Variants in BEST1 observed in about 807,000 individuals in gnomAD.
The protein encoded by BEST1 is bestrophin-1.
In BEST1, 58 loss-of-function variants were observed where a neutral mutation model predicts 63.3. That is an observed-to-expected ratio of 0.92 (90% CI 0.74 to 1.14). The LOEUF is 1.14. Among genes scored for constraint, BEST1 ranks in the 50% most tolerant of loss-of-function variants. BEST1 has a pLI of 0.00. For synonymous variants in BEST1, 283 were observed against 291.6 expected (o/e 0.97, Z 0.30); for missense variants, 671 against 740.1 (o/e 0.91, Z 1.08).
In BEST1 at chr11:61,962,912, C is replaced by G; in HGVS notation, c.1739+19C>G. 6.2e-7 allele frequency: 1 copy of G among 1,614,192 alleles called. No homozygotes were observed. Among genetic ancestry groups the G allele is most frequent in the Non-Finnish European group, 8.5e-7 (1 of 1,180,030 alleles). ...AAAACAGGTCTGTCCTCCACCTGAA[C>G]CAGGGGCACTGCATTGCCCTGTGCC... On this transcript the variant is annotated intron_variant, in intron 10 of 10. Transcript: ENST00000378043.
intron 2 of BEST1, among the ~76,000 whole-genome samples, chr11:61,952,459 CTTTTTT>C (rs34404535): frequency 2.6e-5 from 2 of 78,150 alleles, no homozygotes; most frequent in African/African-American, 5.4e-5. Context: ...CCACATGGTA[CTTTTTT>C]TTTTTTTTTT....
chr11:61,964,303 T>C lies in BEST1; in HGVS notation c.*181T>C. 1 of 1,199,378 alleles carries C rather than the reference T, an allele frequency of 8.3e-7. No individual in the cohort carries two copies. The highest frequency in any genetic ancestry group is 1.5e-5 in the South Asian group (1 of 67,166). The allele number at this position is 1,199,378 out of a possible 1,614,324, so 74.3% of individuals were successfully genotyped here. A position where few individuals can be genotyped will look rare whatever the true frequency, so the allele number is the denominator to read the frequency against. Reference sequence around the variant, plus strand: ...AGACTACTTCAGCCTTTAATGCCTTTTATTCATAAAAACTGTGAAAGCTAG... The same window carrying C: ...AGACTACTTCAGCCTTTAATGCCTTCTATTCATAAAAACTGTGAAAGCTAG... On this transcript the variant is annotated 3_prime_UTR_variant, in exon 11 of 11. Coordinates refer to ENST00000378043, the MANE Select transcript of BEST1 (RefSeq NM_004183.4).
rs1336067563 is a variant in BEST1, at chr11:61,962,618, G to A, written c.1464G>A (p.Lys488=). The part of the protein sequence containing the change: ...FFPLEPSAPS[K]LHSVTGIDTK... The stretch of plus-strand genomic sequence containing the variant: ...CCCTAGAACCATCAGCGCCGTCAAA[G>A]CTTCACAGTGTCACAGGCATAGACA... The change falls in exon 10 of 11, where the codon AAG becomes AAA. Residue 488 remains lysine, a synonymous_variant. Transcript: ENST00000378043. 5.0e-6 allele frequency: 8 copies of A among 1,614,058 alleles called. No homozygotes were observed. The highest frequency in any genetic ancestry group is 6.8e-6 in the Non-Finnish European group (8 of 1,180,044).
At position 61,955,880 on chromosome 11, in the gene BEST1, T is replaced by C. The variant is rs1451564462; in HGVS notation, c.410T>C (p.Val137Ala). 4 of 1,550,442 alleles carry C rather than the reference T, an allele frequency of 2.6e-6. No individual in the cohort carries two copies. The African/African-American group carries it at 4.1e-5, about 16-fold the overall frequency. ...ATCCGCTACGCCAACCTGGGCAACGTGCTCATCCTGCGCAGCGTCAGCACC... is the reference window on the plus strand; with the variant it reads ...ATCCGCTACGCCAACCTGGGCAACGCGCTCATCCTGCGCAGCGTCAGCACC... Reference protein sequence around the residue: ...TLIRYANLGNVLILRSVSTAV... With the variant: ...TLIRYANLGNALILRSVSTAV... The change falls in exon 4 of 11, where the codon GTG becomes GCG. Residue 137 changes from valine to alanine, a missense_variant. Physicochemically the swap from Val to Ala is moderately conservative, Grantham distance 64. Transcript: ENST00000378043.
At chr11:61,957,048 T>A in intron 5 of BEST1, 50 bp downstream of exon 5, 1 of 1,612,432 alleles carries the variant, frequency 6.2e-7, no homozygotes, top group Non-Finnish European at 8.5e-7. Flanking sequence ...AGGGCTGTGG[T>A]CCACAGGAAA....
rs1942386627 is a variant in BEST1, at chr11:61,964,442, A to C, written c.*320A>C. 1.6e-6 allele frequency: 1 copy of C among 613,108 alleles called. No homozygotes were observed. The highest frequency in any genetic ancestry group is 3.0e-5 in the Admixed American group (1 of 33,676). The allele number at this position is 613,108 out of a possible 1,614,324, so 38.0% of individuals were successfully genotyped here. A position where few individuals can be genotyped will look rare whatever the true frequency, so the allele number is the denominator to read the frequency against. On this transcript the variant is annotated 3_prime_UTR_variant, in exon 11 of 11. Coordinates refer to ENST00000378043, the MANE Select transcript of BEST1 (RefSeq NM_004183.4). ...GTATACTGCCCAAACTAATGAGTTT[A>C]ATAAATACAAATACTCGTTTCTTTT...
chr11:61,955,110 G>T lies in BEST1; in HGVS notation c.156G>T (p.Leu52=). 6.4e-7 allele frequency: 1 copy of T among 1,560,640 alleles called. No homozygotes were observed. The highest frequency in any genetic ancestry group is 8.8e-7 in the Non-Finnish European group (1 of 1,139,326). ...CCACCCCCACCCCCACCCCCAGGCTGGCCCTCACGGAAGAACAACAGCTGA... is the reference window on the plus strand; with the variant it reads ...CCACCCCCACCCCCACCCCCAGGCTTGCCCTCACGGAAGAACAACAGCTGA... ...CYYIIRFIYR[L]ALTEEQQLMF... Residue 52 remains leucine, a synonymous_variant, in exon 3 of 11, where the codon CTG becomes CTT. Transcript: ENST00000378043.
chr11:61,965,334 G>A, downstream of BEST1: 1 of 1,563,156 alleles, frequency 6.4e-7, no homozygotes, highest in Non-Finnish European at 8.7e-7. Flanking sequence ...ACTGCCAGAT[G>A]ATGAAGTATG....
chr11:61,962,912 C>A lies in BEST1; in HGVS notation c.1739+19C>A, dbSNP rs1273664684. On this transcript the variant is annotated intron_variant, in intron 10 of 10. Transcript: ENST00000378043. ...AAAACAGGTCTGTCCTCCACCTGAA[C>A]CAGGGGCACTGCATTGCCCTGTGCC... 1.9e-6 allele frequency: 3 copies of A among 1,614,074 alleles called. No individual in the cohort carries two copies. Among genetic ancestry groups the A allele is most frequent in the Non-Finnish European group, 2.5e-6 (3 of 1,180,038 alleles).
At position 61,962,813 on chromosome 11, in the gene BEST1, A is replaced by T; in HGVS notation, c.1659A>T (p.Lys553Asn). The T allele has an allele frequency of 8.1e-6, 13 of 1,614,212 alleles. No homozygotes were observed. The highest frequency in any genetic ancestry group is 1.1e-5 in the Non-Finnish European group (13 of 1,180,036). ...DMPEIPENHL[K>N]EPLEQSPTNI... ...CAGAGATCCCCGAAAATCACCTCAA[A>T]GAACCTTTGGAACAATCACCAACCA... The change falls in exon 10 of 11, where the codon AAA (lysine) becomes AAT (asparagine). Residue 553 changes from lysine (K) to asparagine (N), a missense_variant. Physicochemically the swap from Lys to Asn is moderately conservative, Grantham distance 94. Coordinates refer to ENST00000378043, the MANE Select transcript of BEST1 (RefSeq NM_004183.4).
At chr11:61,953,710 A>C (rs928092089) in intron 2 of BEST1, among the ~76,000 whole-genome samples, 2 of 152,102 alleles carry the variant, frequency 1.3e-5, no homozygotes, top group African/African-American at 4.8e-5. Flanking sequence ...ACTCCGTCTA[A>C]AAATAAAATA....
chr11:61,964,812 A>C, downstream of BEST1: 1 of 1,600,410 alleles, frequency 6.2e-7, no homozygotes, highest in Non-Finnish European at 8.5e-7. Flanking sequence ...CATCTTGCGC[A>C]AGTTGGTCAC....
intron 10 of BEST1, chr11:61,963,477 C>A (rs1279025283): frequency 1.8e-6 from 2 of 1,092,348 alleles, no homozygotes; most frequent in African/African-American, 3.3e-5. Flanking sequence ...GGGGTCAGCC[C>A]AAAGCTGTCA....
At chr11:61,952,406 C>G (rs1565383291) in intron 2 of BEST1, among the ~76,000 whole-genome samples, 1 of 151,706 alleles carries the variant, frequency 6.6e-6, no homozygotes, top group East Asian at 1.9e-4. Context: ...CTTAGCCTCC[C>G]AAGGGGCTGG....
chr11:61,955,227 G>T (rs756905848), intron 3 of BEST1, 26 bp downstream of exon 3: 1 of 1,613,968 alleles, frequency 6.2e-7, no homozygotes, highest in African/African-American at 1.3e-5. Flanking sequence ...TGGCTGTTCC[G>T]GGTCCCTGTG....
intron 1 of BEST1, 84 bp from the exon 2 acceptor site, chr11:61,951,687 G>A: frequency 7.1e-7 from 1 of 1,402,530 alleles, no homozygotes; most frequent in Non-Finnish European, 9.9e-7. Flanking sequence ...GAGAGTTGAG[G>A]TCCAGAGCAG....
intron 8 of BEST1, 43 bp downstream of exon 8, chr11:61,959,621 A>G (rs771402930): frequency 1.2e-6 from 2 of 1,605,062 alleles, no homozygotes; most frequent in Non-Finnish European, 1.7e-6. Context: ...ACCTTCCCCA[A>G]AGTGGACCCA....
Position 61,962,281 on chromosome 11 carries a change from A to C in BEST1, c.1127A>C (p.Gln376Pro), listed in dbSNP as rs373504272. The C allele has an allele frequency of 6.2e-6, 10 of 1,614,168 alleles. No homozygotes were observed. The highest frequency in any genetic ancestry group is 8.5e-6 in the Non-Finnish European group (10 of 1,180,034). The change falls in exon 10 of 11, where the codon CAG (glutamine) becomes CCG (proline). Residue 376 changes from glutamine to proline, a missense_variant. Transcript: ENST00000378043. ...CTGAACAAAGAGGAGATGGAGTTCC[A>C]GCCCAATCAGGAGGACGAGGAGGAT... ...ISLNKEEMEFQPNQEDEEDAH... is the reference protein window; with the variant it reads ...ISLNKEEMEFPPNQEDEEDAH...
downstream of BEST1, chr11:61,965,226 T>C: frequency 6.3e-7 from 1 of 1,593,448 alleles, no homozygotes; most frequent in Non-Finnish European, 8.6e-7. Flanking sequence ...CTAATTTAGT[T>C]TAGATGGTAA....
Sources: gnomAD v4.1 joint callset for allele counts (sites outside exome capture counted in the v4.1 genomes callset) on GRCh38, gnomAD v4.1.1 for gene constraint, MANE v1.5 for transcripts, NCBI Gene and HGNC (gene_info 2026-07-23, HGNC 2026-07-21) for gene names.